The following PLCB1 variants were observed in gnomAD, a reference collection of about 807,000 sequenced individuals.
The protein encoded by PLCB1 is phospholipase C beta 1.
PLCB1 carries 46 observed loss-of-function variants against 161.8 expected under a neutral mutation model. That is an observed-to-expected ratio of 0.28 (90% CI 0.22 to 0.36). The LOEUF is 0.36. Among genes scored for constraint, PLCB1 ranks in the 10% least tolerant of loss-of-function variants. The pLI is 1.00. For missense variants in PLCB1, 1,016 were observed against 1,472.5 expected, an observed-to-expected ratio of 0.69 and a Z score of 5.07; for synonymous variants, 517 against 503.7, an observed-to-expected ratio of 1.03 and a Z score of -0.35.
At chr20:8,639,933 G>T (rs1448480775) in intron 4 of PLCB1, among the ~76,000 whole-genome samples, 2 of 151,178 alleles carry the variant, frequency 1.3e-5, no homozygotes, top group Non-Finnish European at 2.9e-5. Flanking sequence ...ACTATTCCAA[G>T]ACCTTCACAG....
intron 31 of PLCB1, among the ~76,000 whole-genome samples, chr20:8,850,564 T>C (rs6056206): frequency 0.32 from 48,548 of 152,104 alleles, 8,754 homozygotes; most frequent in East Asian, 0.63. Flanking sequence ...ATTTAATCCC[T>C]AGTAAAACAG....
chr20:8,701,887 C>T (rs915149815), intron 11 of PLCB1, among the ~76,000 whole-genome samples: 1 of 152,170 alleles, frequency 6.6e-6, no homozygotes, highest in Non-Finnish European at 1.5e-5. Flanking sequence ...AAACATTCCC[C>T]CAACATTTGC....
At chr20:8,281,762 C>T (rs1019383048) in intron 2 of PLCB1, among the ~76,000 whole-genome samples, 9 of 152,024 alleles carry the variant, frequency 5.9e-5, no homozygotes, top group Non-Finnish European at 1.3e-4. Context: ...ATTTAGATGT[C>T]TACTTTCATT....
rs6140623 is a variant in PLCB1 at position 8,474,162 on chromosome 20, A to G, written c.246+102712A>G. ...ATTTAACAAATACTGATCACCTGCT[A>G]TGTGCCTTGTAATGATCTTAGTGCT... On this transcript the variant is annotated intron_variant, in intron 3 of 31. Coordinates refer to ENST00000338037, the MANE Select transcript of PLCB1 (RefSeq NM_015192.4). Among the ~76,000 whole-genome samples the G allele has an allele frequency of 2.2e-4, 33 of 152,328 alleles. No individual in the cohort carries two copies. The East Asian group carries it at 6.2e-3, about 29-fold the overall frequency.
chr20:8,733,613 G>A (rs1980388888), intron 19 of PLCB1, among the ~76,000 whole-genome samples: 2 of 150,588 alleles, frequency 1.3e-5, no homozygotes, highest in Non-Finnish European at 2.9e-5. Context: ...CACGGGAAGG[G>A]GAACATCACA....
chr20:8,662,267 GTATTTATTATATAATTATGTATATAAT>G (rs1568551376), intron 9 of PLCB1, among the ~76,000 whole-genome samples: 3 of 76,046 alleles, frequency 3.9e-5, no homozygotes, highest in South Asian at 4.6e-4. Flanking sequence ...CTATACATAA[GTATTTATTATATAATTATGTATATAAT>G]TATTTATTAT....
intron 3 of PLCB1, among the ~76,000 whole-genome samples, chr20:8,519,523 C>T (rs552118901): frequency 3.9e-5 from 6 of 152,228 alleles, no homozygotes; most frequent in Admixed American, 3.3e-4. Flanking sequence ...CTCTCTCCCC[C>T]ATAGTGATTG....
chr20:8,138,911 T>C (rs1433460749), intron 1 of PLCB1, among the ~76,000 whole-genome samples: 4 of 152,076 alleles, frequency 2.6e-5, no homozygotes, highest in African/African-American at 9.7e-5. Flanking sequence ...ATGTACCTAT[T>C]AATTGAGGTT....
intron 7 of PLCB1, 46 bp from the exon 8 acceptor site, chr20:8,657,138 G>T (rs1989484674): frequency 9.6e-7 from 1 of 1,046,324 alleles, no homozygotes; most frequent in Non-Finnish European, 1.5e-6. Context: ...GAGGAAGCTG[G>T]GGAAGGAAAA....
In PLCB1 at chr20:8,286,497, A is replaced by G. The variant is rs559234247; in HGVS notation, c.178-84885A>G. ...TACTATTTCATCATAGAAGCAATAT[A>G]TACATACTCCCAGAAGTATTTGAAC... On this transcript the variant is annotated intron_variant, in intron 2 of 31. Transcript: ENST00000338037. Among the ~76,000 whole-genome samples the G allele has an allele frequency of 3.9e-5, 6 of 152,316 alleles. No individual in the cohort carries two copies. The South Asian group carries it at 1.2e-3, about 32-fold the overall frequency.
In PLCB1 at chr20:8,376,942, AAAAG is replaced by A. The variant is rs1255998723; in HGVS notation, c.246+5498_246+5501del. Among the ~76,000 whole-genome samples, 41 of 152,142 alleles carry A rather than the reference AAAAG, an allele frequency of 2.7e-4. 1 individual carries two copies. The highest frequency in any genetic ancestry group is 5.8e-4 in the East Asian group (3 of 5,160). ...GACTCCATCTCAAAAAAAAAAAAGA[AAAAG>A]AAAGAGAAAGAGAAATCCCTGATTT... On this transcript the variant is annotated intron_variant, in intron 3 of 31. Transcript: ENST00000338037.
intron 2 of PLCB1, among the ~76,000 whole-genome samples, chr20:8,194,529 A>G (rs539843867): frequency 2.0e-4 from 30 of 152,210 alleles, no homozygotes; most frequent in African/African-American, 7.2e-4. Flanking sequence ...AGATGCAGAA[A>G]CACATTGATT....
At position 8,727,315 on chromosome 20, in the gene PLCB1, A is replaced by G. The variant is rs1319493393; in HGVS notation, c.1685A>G (p.Asn562Ser). 3.2e-6 allele frequency: 5 copies of G among 1,582,296 alleles called. No homozygotes were observed. Among genetic ancestry groups the G allele is most frequent in the Non-Finnish European group, 4.3e-6 (5 of 1,153,948 alleles). Residue 562 changes from asparagine (N) to serine (S), a missense_variant, in exon 17 of 32, where the codon AAT becomes AGT. Asn to Ser is a conservative substitution (Grantham distance 46). This residue lies in a region of PLCB1 where 109 missense variants were observed against 129.7 expected (regional missense o/e 0.84). Transcript: ENST00000338037. ...FESFEISKKR[N>S]KSFEMSSFVE... Reference sequence around the variant, plus strand: ...TTGTTGTTGCTTAACTCAGAAAGAAATAAAAGTTTTGAAATGTCTTCCTTC... The same window carrying G: ...TTGTTGTTGCTTAACTCAGAAAGAAGTAAAAGTTTTGAAATGTCTTCCTTC...
chr20:8,836,252 T>G (rs1255972193), intron 31 of PLCB1, among the ~76,000 whole-genome samples: 1 of 152,208 alleles, frequency 6.6e-6, no homozygotes, highest in Non-Finnish European at 1.5e-5. Flanking sequence ...AGAAGTAGAC[T>G]TTAAGTGTTA....
In PLCB1 at chr20:8,132,832, C is replaced by G; in HGVS notation, c.99+82C>G. The G allele has an allele frequency of 1.0e-6, 1 of 971,360 alleles. No individual in the cohort carries two copies. Among genetic ancestry groups the G allele is most frequent in the Non-Finnish European group, 1.6e-6 (1 of 626,328 alleles). The allele number at this position is 971,360 out of a possible 1,614,324, so 60.2% of individuals were successfully genotyped here. On this transcript the variant is annotated intron_variant, in intron 1 of 31. Transcript: ENST00000338037. The surrounding 1 kb of genome is among the most constrained non-coding windows in gnomAD (Gnocchi z 5.2). Reference sequence around the variant, plus strand: ...CGTCGTGGGGGTGGGGCAAGGGGCGCGTTATGCAATGGGCGCACTGGGAGC... The same window carrying G: ...CGTCGTGGGGGTGGGGCAAGGGGCGGGTTATGCAATGGGCGCACTGGGAGC...
chr20:8,281,252 G>C (rs1426238694), intron 2 of PLCB1, among the ~76,000 whole-genome samples: 2 of 152,112 alleles, frequency 1.3e-5, no homozygotes, highest in African/African-American at 2.4e-5. Context: ...GTGTTTTGGA[G>C]ATGTTATGAG....
At chr20:8,637,867 A>G (rs1305605988) in intron 4 of PLCB1, among the ~76,000 whole-genome samples, 1 of 152,246 alleles carries the variant, frequency 6.6e-6, no homozygotes. Flanking sequence ...TGAATGCGGA[A>G]CAAGATAAAA....
chr20:8,459,881 G>A (rs761019322), intron 3 of PLCB1, among the ~76,000 whole-genome samples: 5 of 152,282 alleles, frequency 3.3e-5, no homozygotes, highest in African/African-American at 4.8e-5. Context: ...TAGTGGGAGA[G>A]GTGTAATTAA....
At chr20:8,469,370 G>A (rs1192248567) in intron 3 of PLCB1, among the ~76,000 whole-genome samples, 2 of 152,052 alleles carry the variant, frequency 1.3e-5, no homozygotes, top group Non-Finnish European at 2.9e-5. Context: ...TTAAAATGGT[G>A]GGAGGCCCCT....
Sources: allele counts gnomAD v4.1 joint callset (sites outside exome capture counted in the v4.1 genomes callset), GRCh38; gene constraint gnomAD v4.1.1; regional missense constraint gnomAD v4.1.1; non-coding constraint Gnocchi (gnomAD v3.1); transcripts MANE v1.5; gene names NCBI Gene and HGNC (gene_info 2026-07-23, HGNC 2026-07-21).